The following TRHDE variants were observed in gnomAD, a reference collection of about 807,000 sequenced individuals.
The protein encoded by TRHDE is thyrotropin-releasing hormone-degrading ectoenzyme.
A neutral mutation model predicts 125.7 loss-of-function variants in TRHDE; 72 were observed. That is an observed-to-expected ratio of 0.57 (90% CI 0.47 to 0.70). TRHDE has a LOEUF of 0.70. Ranked by LOEUF, TRHDE falls within the 30% of genes least tolerant of loss-of-function variation. TRHDE has a pLI of 0.00. For missense variants in TRHDE, 1,110 were observed against 1,327.1 expected (o/e 0.84, Z 2.54); for synonymous variants, 509 against 509.1 (o/e 1.00, Z 0.00).
intron 3 of TRHDE, among the ~76,000 whole-genome samples, chr12:72,444,260 G>C (rs554295610): frequency 6.6e-6 from 1 of 151,944 alleles, no homozygotes; most frequent in South Asian, 2.1e-4. Flanking sequence ...AGTCACACTT[G>C]TAACCCCCAA....
rs1422982699 is a variant in TRHDE at position 72,664,740 on chromosome 12, T to C, written c.*1545T>C. 1 of 152,068 alleles carries C rather than the reference T, an allele frequency of 6.6e-6. No individual in the cohort carries two copies. Among genetic ancestry groups the C allele is most frequent in the Non-Finnish European group, 1.5e-5 (1 of 67,994 alleles). 9.4% of individuals were successfully genotyped at this position (152,068 alleles called of 1,614,324 possible). On this transcript the variant is annotated 3_prime_UTR_variant, in exon 19 of 19. Coordinates refer to ENST00000261180, the MANE Select transcript of TRHDE (RefSeq NM_013381.3). ...AAATCTTACAAATCATTGAAAGAAA[T>C]ATATTCTAACAGTACGCACTGAATA...
chr12:72,268,095 A>G (rs892491693), upstream of TRHDE, among the ~76,000 whole-genome samples: 2 of 152,122 alleles, frequency 1.3e-5, no homozygotes, highest in African/African-American at 4.8e-5. Flanking sequence ...CAAATTTCAA[A>G]CTGCTGTTTT....
At chr12:72,161,042 C>A (rs773482913) in intron 2 of TRHDE, among the ~76,000 whole-genome samples, 1 of 152,176 alleles carries the variant, frequency 6.6e-6, no homozygotes, top group Admixed American at 6.5e-5. Context: ...TATCTCCTTT[C>A]TCACTGGCTG....
chr12:72,388,908 CTTG>C (rs1406280916), intron 3 of TRHDE, among the ~76,000 whole-genome samples: 1 of 150,640 alleles, frequency 6.6e-6, no homozygotes, highest in African/African-American at 2.5e-5. Flanking sequence ...TCTTCTCCTC[CTTG>C]TTGTTTTTTT....
chr12:72,358,738 C>T (rs546964606), intron 2 of TRHDE, among the ~76,000 whole-genome samples: 28 of 151,632 alleles, frequency 1.8e-4, no homozygotes, highest in African/African-American at 6.8e-4. Context: ...GAAAAGACTA[C>T]GTGACCTACC....
At chr12:72,394,027 A>G (rs1033631655) in intron 3 of TRHDE, among the ~76,000 whole-genome samples, 6 of 152,164 alleles carry the variant, frequency 3.9e-5, no homozygotes, top group African/African-American at 1.4e-4. Flanking sequence ...AAACATAGGT[A>G]TATATTACCC....
intron 2 of TRHDE, among the ~76,000 whole-genome samples, chr12:72,290,508 T>C (rs186589466): frequency 1.3e-5 from 2 of 152,228 alleles, no homozygotes; most frequent in African/African-American, 2.4e-5. Flanking sequence ...GCCATTTTAT[T>C]ATGTTCAAAG....
chr12:72,300,659 G>GTA (rs983173942), intron 2 of TRHDE, among the ~76,000 whole-genome samples: 10 of 151,264 alleles, frequency 6.6e-5, no homozygotes, highest in Non-Finnish European at 1.5e-4. Context: ...TATATAGTAT[G>GTA]TATATACACA....
intron 3 of TRHDE, among the ~76,000 whole-genome samples, chr12:72,405,825 A>C (rs2135807960): frequency 6.6e-6 from 1 of 152,310 alleles, no homozygotes; most frequent in East Asian, 1.9e-4. Flanking sequence ...ACAGAGGAAA[A>C]GATTCTGAGG....
chr12:72,281,082 A>G (rs544934379), intron 1 of TRHDE, among the ~76,000 whole-genome samples: 1 of 152,196 alleles, frequency 6.6e-6, no homozygotes, highest in South Asian at 2.1e-4. Context: ...AATTATGAAT[A>G]TTATGCTCTG....
chr12:72,440,255 A>G (rs1874938475), intron 3 of TRHDE, among the ~76,000 whole-genome samples: 1 of 151,868 alleles, frequency 6.6e-6, no homozygotes, highest in African/African-American at 2.4e-5. Context: ...CTTTGGTATC[A>G]GTGCTATGCT....
intron 2 of TRHDE, among the ~76,000 whole-genome samples, chr12:72,319,247 A>G (rs1318674370): frequency 1.3e-5 from 2 of 152,138 alleles, no homozygotes; most frequent in South Asian, 4.1e-4. Flanking sequence ...TAGAGGGGCC[A>G]GCTGTTTAGG....
chr12:72,523,146 A>G (rs1052900358), intron 6 of TRHDE, among the ~76,000 whole-genome samples: 1 of 151,880 alleles, frequency 6.6e-6, no homozygotes, highest in Non-Finnish European at 1.5e-5. Flanking sequence ...AAAATAGAAC[A>G]CCGTTTCTTT....
At chr12:72,642,596 A>C (rs1290260133) in intron 15 of TRHDE, among the ~76,000 whole-genome samples, 2 of 152,168 alleles carry the variant, frequency 1.3e-5, no homozygotes, top group Non-Finnish European at 2.9e-5. Context: ...AGGCTAACTC[A>C]TTGTTCATGT....
intron 2 of TRHDE, among the ~76,000 whole-genome samples, chr12:72,241,391 G>A (rs2139381218): frequency 6.6e-6 from 1 of 152,072 alleles, no homozygotes; most frequent in South Asian, 2.1e-4. Context: ...TCATGTAAAT[G>A]GAATCTATAT....
chr12:72,135,682 G>GTA (rs1875968399), intron 2 of TRHDE, among the ~76,000 whole-genome samples: 2 of 151,674 alleles, frequency 1.3e-5, no homozygotes, highest in African/African-American at 2.4e-5. Context: ...TGCCTTGTGT[G>GTA]GATGAGATTG....
chr12:72,277,918 A>G (rs886606300), intron 1 of TRHDE, among the ~76,000 whole-genome samples: 2 of 151,460 alleles, frequency 1.3e-5, no homozygotes, highest in Non-Finnish European at 3.0e-5. Flanking sequence ...TAACAAATGC[A>G]TCATCTCATA....
At chr12:72,128,406 C>G (rs1344984509) in intron 2 of TRHDE, among the ~76,000 whole-genome samples, 1 of 152,136 alleles carries the variant, frequency 6.6e-6, no homozygotes, top group African/African-American at 2.4e-5. Flanking sequence ...GGATACTGAG[C>G]ATTTAATCCA....
intron 17 of TRHDE, among the ~76,000 whole-genome samples, chr12:72,655,673 G>A (rs771556906): frequency 2.0e-5 from 3 of 151,994 alleles, no homozygotes; most frequent in African/African-American, 4.8e-5. Flanking sequence ...TACCTTCAAG[G>A]AACAGACTGT....
Sources: allele counts gnomAD v4.1 joint callset (sites outside exome capture counted in the v4.1 genomes callset), GRCh38; gene constraint gnomAD v4.1.1; transcripts MANE v1.5; gene names NCBI Gene and HGNC (gene_info 2026-07-23, HGNC 2026-07-21).